The following WDR70 variants were observed in gnomAD, a reference collection of about 807,000 sequenced individuals.
WDR70 encodes WD repeat-containing protein 70.
WDR70 carries 53 observed loss-of-function variants against 88.6 expected under a neutral mutation model. The observed-to-expected ratio is 0.60, with a 90% CI of 0.48 to 0.75. The LOEUF is 0.75. WDR70 is among the 30% of genes least tolerant of loss of function. The pLI is 0.00. For missense variants in WDR70, 610 were observed against 823.2 expected (o/e 0.74, Z 3.17); for synonymous variants, 280 against 270.0 (o/e 1.04, Z -0.36).
At chr5:37,522,204 G>A (rs1221207402) in intron 9 of WDR70, among the ~76,000 whole-genome samples, 3 of 152,006 alleles carry the variant, frequency 2.0e-5, no homozygotes, top group South Asian at 4.1e-4. Context: ...TGGGCATGGT[G>A]GCTCATGGCT....
intron 3 of WDR70, among the ~76,000 whole-genome samples, chr5:37,388,188 C>T (rs1415328605): frequency 2.6e-5 from 4 of 151,910 alleles, no homozygotes; most frequent in African/African-American, 4.8e-5. Flanking sequence ...GGGACGATCT[C>T]GGCTCACTGC....
chr5:37,470,112 A>AGAAAAC (rs1739279180), intron 7 of WDR70, among the ~76,000 whole-genome samples: 1 of 81,622 alleles, frequency 1.2e-5, no homozygotes, highest in Non-Finnish European at 2.6e-5. Flanking sequence ...CCATGTAAGC[A>AGAAAAC]AAAAACAAAA....
In WDR70 at chr5:37,661,581, A is replaced by G. The variant is rs540640638; in HGVS notation, c.1093-36074A>G. 1.8e-3 allele frequency among the ~76,000 whole-genome samples: 279 copies of G among 152,316 alleles called. 3 individuals carry two copies. The highest frequency in any genetic ancestry group is 6.3e-3 in the African/African-American group (262 of 41,574). ...ATTATTACTCAAATTAGTCTCTTCAAGCATTCGGGGATCAGAGTTTTTAAA... is the reference window on the plus strand; with the variant it reads ...ATTATTACTCAAATTAGTCTCTTCAGGCATTCGGGGATCAGAGTTTTTAAA... On this transcript the variant is annotated intron_variant, in intron 10 of 17. Coordinates refer to ENST00000265107, the MANE Select transcript of WDR70 (RefSeq NM_018034.4).
At chr5:37,426,697 G>A (rs1485586598) in intron 5 of WDR70, among the ~76,000 whole-genome samples, 1 of 152,152 alleles carries the variant, frequency 6.6e-6, no homozygotes, top group Non-Finnish European at 1.5e-5. Context: ...AAGACAACAA[G>A]GGTGTGAATA....
At chr5:37,446,781 A>AAATT (rs1397921729) in intron 7 of WDR70, among the ~76,000 whole-genome samples, 1 of 152,222 alleles carries the variant, frequency 6.6e-6, no homozygotes, top group Non-Finnish European at 1.5e-5. Flanking sequence ...CCTTACACAA[A>AAATT]AATTAATTCA....
intron 5 of WDR70, among the ~76,000 whole-genome samples, chr5:37,402,628 G>T (rs1284177001): frequency 6.6e-6 from 1 of 152,106 alleles, no homozygotes; most frequent in Non-Finnish European, 1.5e-5. Flanking sequence ...TTAAATATTT[G>T]TCTCTTCCTT....
intron 10 of WDR70, among the ~76,000 whole-genome samples, chr5:37,672,121 A>G (rs1211113093): frequency 6.6e-6 from 1 of 152,164 alleles, no homozygotes; most frequent in Admixed American, 6.6e-5. Context: ...GTTTACAGGC[A>G]GTATGCTTGG....
chr5:37,472,984 T>C (rs1739372503), intron 7 of WDR70, among the ~76,000 whole-genome samples: 1 of 152,072 alleles, frequency 6.6e-6, no homozygotes, highest in Admixed American at 6.5e-5. Flanking sequence ...TATTTTTTTA[T>C]CTTACACTTT....
chr5:37,516,718 T>TATATAC (rs1341395286), intron 9 of WDR70, 128 bp downstream of exon 9: 3 of 158,788 alleles, frequency 1.9e-5, no homozygotes, highest in Middle Eastern at 2.5e-3. Flanking sequence ...TATACATATA[T>TATATAC]ATATATATTT....
intron 9 of WDR70, among the ~76,000 whole-genome samples, chr5:37,593,053 G>A (rs1743583742): frequency 6.6e-6 from 1 of 152,184 alleles, no homozygotes; most frequent in Non-Finnish European, 1.5e-5. Context: ...TACTTGGATG[G>A]ATGAGGCAGG....
At chr5:37,439,581 A>G (rs1750588516) in intron 6 of WDR70, among the ~76,000 whole-genome samples, 1 of 150,204 alleles carries the variant, frequency 6.7e-6, no homozygotes, top group African/African-American at 2.4e-5. Context: ...TGTTTTACAC[A>G]TTGAAAATCA....
At chr5:37,475,756 T>C (rs1382693974) in intron 7 of WDR70, among the ~76,000 whole-genome samples, 1 of 152,208 alleles carries the variant, frequency 6.6e-6, no homozygotes, top group Admixed American at 6.5e-5. Flanking sequence ...CTTATAAATT[T>C]GGATGTAAAC....
chr5:37,463,751 T>G (rs1419540473), intron 7 of WDR70, among the ~76,000 whole-genome samples: 1 of 152,208 alleles, frequency 6.6e-6, no homozygotes, highest in African/African-American at 2.4e-5. Flanking sequence ...GCAGATGTTA[T>G]GCCCCTTGAA....
chr5:37,643,608 T>C (rs1160225173), intron 10 of WDR70, among the ~76,000 whole-genome samples: 1 of 152,066 alleles, frequency 6.6e-6, no homozygotes, highest in Non-Finnish European at 1.5e-5. Context: ...TATTGATTCT[T>C]CCAATTCATG....
At chr5:37,393,300 A>G (rs1748903649) in intron 4 of WDR70, among the ~76,000 whole-genome samples, 1 of 152,166 alleles carries the variant, frequency 6.6e-6, no homozygotes, top group Non-Finnish European at 1.5e-5. Context: ...TTGGCCTCCC[A>G]AAGTGCTGGG....
In WDR70 at chr5:37,579,707, T is replaced by G. The variant is rs900453654; in HGVS notation, c.918-25357T>G. Among the ~76,000 whole-genome samples, 6 of 152,322 alleles carry G rather than the reference T, an allele frequency of 3.9e-5. No homozygotes were observed. The South Asian group carries it at 1.2e-3, about 32-fold the overall frequency. On this transcript the variant is annotated intron_variant, in intron 9 of 17. Coordinates refer to ENST00000265107, the MANE Select transcript of WDR70 (RefSeq NM_018034.4). ...GTGTATTTTTAAAAATCTGTTCTGT[T>G]ATTGTGAATAATCCAGCATGGTATT...
At chr5:37,555,340 A>C (rs1189190131) in intron 9 of WDR70, among the ~76,000 whole-genome samples, 1 of 152,238 alleles carries the variant, frequency 6.6e-6, no homozygotes, top group East Asian at 1.9e-4. Flanking sequence ...ACATTCTCAT[A>C]AACATTAAAA....
At chr5:37,727,134 T>C (rs886110012) in intron 17 of WDR70, 89 bp downstream of exon 17, 4 of 1,471,984 alleles carry the variant, frequency 2.7e-6, no homozygotes, top group Middle Eastern at 1.8e-4. Flanking sequence ...TTCTAACTTC[T>C]CTATTTCTTA....
chr5:37,676,180 A>G (rs867986413), intron 10 of WDR70, among the ~76,000 whole-genome samples: 1 of 151,386 alleles, frequency 6.6e-6, no homozygotes, highest in Admixed American at 6.6e-5. Context: ...TCATCTGCAA[A>G]CAGGGACAAT....
Sources: gnomAD v4.1 joint callset for allele counts (sites outside exome capture counted in the v4.1 genomes callset) on GRCh38, gnomAD v4.1.1 for gene constraint, MANE v1.5 for transcripts, NCBI Gene and HGNC (gene_info 2026-07-23, HGNC 2026-07-21) for gene names.